The following MICAL2 variants were observed in gnomAD, a reference collection of about 807,000 sequenced individuals.
MICAL2 encodes microtubule associated monooxygenase, calponin and LIM domain containing 2.
A neutral mutation model predicts 127.3 loss-of-function variants in MICAL2; 77 were observed. The observed-to-expected ratio is 0.60, with a 90% CI of 0.50 to 0.73. The LOEUF (loss-of-function observed/expected upper bound fraction) is 0.73. MICAL2 is among the 30% of genes least tolerant of loss of function. The pLI is 0.00. For synonymous variants in MICAL2, 570 were observed against 551.1 expected (o/e 1.03, Z -0.48); for missense variants, 1,351 against 1,434.4 (o/e 0.94, Z 0.94).
intron 3 of MICAL2, among the ~76,000 whole-genome samples, chr11:12,201,965 A>G (rs929918868): frequency 3.5e-4 from 53 of 151,800 alleles, no homozygotes; most frequent in African/African-American, 1.3e-3. Context: ...CTAAAAATAC[A>G]AAAAAAATTA....
At chr11:12,213,964 A>G (rs1237725056) in intron 7 of MICAL2, among the ~76,000 whole-genome samples, 3 of 152,146 alleles carry the variant, frequency 2.0e-5, no homozygotes. Flanking sequence ...GGCCTAGAGG[A>G]TAGGAGGTAT....
chr11:12,298,080 C>G (rs936756875), intron 29 of MICAL2, among the ~76,000 whole-genome samples: 3 of 151,668 alleles, frequency 2.0e-5, no homozygotes, highest in Non-Finnish European at 4.4e-5. Context: ...TGTGAATACT[C>G]TCGTGGGATT....
At chr11:12,145,533 A>G (rs1239921421) in intron 2 of MICAL2, among the ~76,000 whole-genome samples, 1 of 152,128 alleles carries the variant, frequency 6.6e-6, no homozygotes, top group Non-Finnish European at 1.5e-5. Flanking sequence ...AGCTGGCCCA[A>G]TGTCCTATGC....
chr11:12,282,415 T>G (rs1863782482), intron 2 of MICAL2, among the ~76,000 whole-genome samples: 1 of 152,134 alleles, frequency 6.6e-6, no homozygotes. Flanking sequence ...TTGGCCTGCC[T>G]TTCATCCCTT....
intron 26 of MICAL2, chr11:12,261,273 C>A (rs1863078218): frequency 2.0e-6 from 2 of 985,406 alleles, no homozygotes; most frequent in African/African-American, 3.5e-5. Flanking sequence ...TTTCACACTG[C>A]CCTGGGAAAG....
chr11:12,171,332 C>A (rs1040277481), intron 3 of MICAL2, among the ~76,000 whole-genome samples: 12 of 152,198 alleles, frequency 7.9e-5, no homozygotes, highest in African/African-American at 2.7e-4. Context: ...TATCTCTGGG[C>A]AGGGAGAAAG....
chr11:12,129,763 A>C (rs1233978852), intron 1 of MICAL2, among the ~76,000 whole-genome samples: 1 of 151,642 alleles, frequency 6.6e-6, no homozygotes, highest in Non-Finnish European at 1.5e-5. Flanking sequence ...GCTGGAGAGC[A>C]GTGGTGGGAT....
chr11:12,286,791 T>C (rs1427742118), intron 2 of MICAL2: 1 of 215,696 alleles, frequency 4.6e-6, no homozygotes, highest in Non-Finnish European at 9.1e-6. Flanking sequence ...GGGAGTATCA[T>C]TTGAGCCCGA....
In MICAL2 at chr11:12,260,167, C is replaced by T. The variant is rs144019803; in HGVS notation, c.3334+270C>T. 5.1e-4 allele frequency: 762 copies of T among 1,508,392 alleles called. 3 individuals carry two copies. The highest frequency in any genetic ancestry group is 5.3e-4 in the African/African-American group (38 of 72,292). The allele number at this position is 1,508,392 out of a possible 1,614,324, so 93.4% of individuals were successfully genotyped here. A position where few individuals can be genotyped will look rare whatever the true frequency, so the allele number is the denominator to read the frequency against. ...GCTCAGGTGCTTCCCAGTCAAGCTC[C>T]GCTGACATGGCTGGCTGCCCCAAAG... On this transcript the variant is annotated intron_variant, in intron 26 of 27. Transcript: ENST00000683283.
At chr11:12,120,064 C>T (rs561731022) in intron 1 of MICAL2, among the ~76,000 whole-genome samples, 5 of 152,306 alleles carry the variant, frequency 3.3e-5, no homozygotes, top group South Asian at 2.1e-4. Context: ...CTAAAACCTC[C>T]CACATTCTTT....
chr11:12,258,446 A>G (rs749044167), intron 24 of MICAL2, 22 bp from the exon 25 acceptor site: 14 of 1,602,488 alleles, frequency 8.7e-6, no homozygotes, highest in Non-Finnish European at 1.1e-5. Flanking sequence ...ATTTTTCTGT[A>G]TGTGTGTGCC....
chr11:12,187,979 A>T (rs1012366507), intron 3 of MICAL2, among the ~76,000 whole-genome samples: 1 of 152,058 alleles, frequency 6.6e-6, no homozygotes. Flanking sequence ...CTCTCTGCCC[A>T]CTGTTCAGTG....
chr11:12,288,948 G>C (rs1863860189), downstream of MICAL2, among the ~76,000 whole-genome samples: 1 of 152,228 alleles, frequency 6.6e-6, no homozygotes. Context: ...GAGCAGGGCT[G>C]GCATTGCCAT....
In MICAL2 at chr11:12,140,622, AC is replaced by A. The variant is rs1312122922; in HGVS notation, c.-78+2165del. 6.6e-5 allele frequency among the ~76,000 whole-genome samples: 10 copies of A among 151,382 alleles called. No individual in the cohort carries two copies. In the East Asian group the frequency reaches 2.0e-3, roughly 30 times the overall value. ...TAAGGAACTGGTGAGCTCTCTTCTCACCCAGCCATACCTCTGGGAACTAGGT... is the reference window on the plus strand; with the variant it reads ...TAAGGAACTGGTGAGCTCTCTTCTCACCAGCCATACCTCTGGGAACTAGGT... On this transcript the variant is annotated intron_variant, in intron 2 of 27. Transcript: ENST00000683283.
intron 2 of MICAL2, among the ~76,000 whole-genome samples, chr11:12,148,690 G>C (rs958102317): frequency 6.6e-6 from 1 of 152,214 alleles, no homozygotes; most frequent in South Asian, 2.1e-4. Context: ...ACCAGGCCCC[G>C]GGGCTTGCAG....
rs1391208238 is a variant in MICAL2 at position 12,147,596 on chromosome 11, A to C, written c.-78+9136A>C. 2.0e-5 allele frequency among the ~76,000 whole-genome samples: 3 copies of C among 152,224 alleles called. No homozygotes were observed. In the East Asian group the frequency reaches 5.8e-4, roughly 29 times the overall value. ...AATTGTCCAGACAAGATTAGTGCAC[A>C]AAACACATGATAGGTTCAAGGCTAA... On this transcript the variant is annotated intron_variant, in intron 2 of 27. Transcript: ENST00000683283.
At chr11:12,145,820 T>C (rs540700438) in intron 2 of MICAL2, among the ~76,000 whole-genome samples, 1 of 152,228 alleles carries the variant, frequency 6.6e-6, no homozygotes, top group Admixed American at 6.5e-5. Flanking sequence ...GCCAGTTGGG[T>C]GGACGGCCCA....
chr11:12,261,489 G>T, intron 26 of MICAL2: 1 of 985,532 alleles, frequency 1.0e-6, no homozygotes, highest in Non-Finnish European at 1.2e-6. Flanking sequence ...ATACACAGCT[G>T]CAGGGTCTGG....
intron 32 of MICAL2, among the ~76,000 whole-genome samples, chr11:12,335,319 ATTTG>A (rs571754817): frequency 0.14 from 20,625 of 151,456 alleles, 1,564 homozygotes; most frequent in South Asian, 0.24. Context: ...TTTCTTGTAA[ATTTG>A]TTTGAGTTCA....
Sources: allele counts gnomAD v4.1 joint callset (sites outside exome capture counted in the v4.1 genomes callset), GRCh38; gene constraint gnomAD v4.1.1; transcripts MANE v1.5; gene names NCBI Gene and HGNC (gene_info 2026-07-23, HGNC 2026-07-21).